AGO4: variants seen among roughly 807,000 people sequenced by gnomAD.
AGO4 encodes protein argonaute-4.
Under a neutral mutation model 104.7 loss-of-function variants are expected in AGO4, and 33 were observed. That is an observed-to-expected ratio of 0.32 (90% CI 0.24 to 0.42). The LOEUF is 0.42. AGO4 is among the 10% of genes least tolerant of loss of function. The probability of loss-of-function intolerance (pLI) is 1.00; values close to 1 mark genes in which losing one functional copy is unlikely to be tolerated. For missense variants in AGO4, 711 were observed against 1,083.4 expected, an observed-to-expected ratio of 0.66 and a Z score of 4.83; for synonymous variants, 331 against 364.7, an observed-to-expected ratio of 0.91 and a Z score of 1.05.
At position 35,841,474 on chromosome 1, in the gene AGO4, G is replaced by T; in HGVS notation, c.2034G>T (p.Met678Ile). 6.2e-7 allele frequency: 1 copy of T among 1,612,338 alleles called. No homozygotes were observed. Among genetic ancestry groups the T allele is most frequent in the Non-Finnish European group, 8.5e-7 (1 of 1,178,432 alleles). The change falls in exon 14 of 18, where the codon ATG becomes ATT. Residue 678 changes from methionine to isoleucine, a missense_variant. Met to Ile is a conservative substitution (Grantham distance 10, BLOSUM62 1). Transcript: ENST00000373210. This position sits in a 1 kb window ranked among gnomAD's most constrained non-coding sequence, Gnocchi z 4.7. ...GTGGAGGGGTATCTGAGGGACAAAT[G>T]AAACAGGTACTCTCATTATCCCTGT... ...YYRGGVSEGQ[M>I]KQVAWPELIA... is the part of the protein sequence containing the mutation.
At chr1:35,832,259 T>C in intron 10 of AGO4, 74 bp downstream of exon 10, 2 of 1,573,596 alleles carry the variant, frequency 1.3e-6, no homozygotes, top group Admixed American at 2.0e-5. Context: ...GTTTCTCTAC[T>C]CTGCCACTGC....
chr1:35,831,964 C>G, intron 9 of AGO4, 33 bp downstream of exon 9: 1 of 1,608,288 alleles, frequency 6.2e-7, no homozygotes, highest in Non-Finnish European at 8.5e-7. Context: ...GATGAGCTAG[C>G]TTTGAGATGA....
chr1:35,809,654 T>C (rs1367771706), intron 1 of AGO4, among the ~76,000 whole-genome samples: 1 of 152,180 alleles, frequency 6.6e-6, no homozygotes, highest in Non-Finnish European at 1.5e-5. Flanking sequence ...TTCAGATATG[T>C]CCCCTGGCTA....
intron 15 of AGO4, among the ~76,000 whole-genome samples, chr1:35,844,086 G>A (rs867632604): frequency 6.6e-6 from 1 of 152,088 alleles, no homozygotes; most frequent in South Asian, 2.1e-4. Context: ...TGTCACCCAG[G>A]GTGGAGTGCA....
At chr1:35,842,355 T>C (rs2148679552) in intron 15 of AGO4, among the ~76,000 whole-genome samples, 1 of 152,286 alleles carries the variant, frequency 6.6e-6, no homozygotes, top group East Asian at 1.9e-4. Flanking sequence ...TTGTCTTCCA[T>C]GAAACCTGTC....
intron 12 of AGO4, among the ~76,000 whole-genome samples, chr1:35,834,917 A>T (rs1375783304): frequency 6.6e-6 from 1 of 151,886 alleles, no homozygotes; most frequent in East Asian, 1.9e-4. Flanking sequence ...GATGGTCTTG[A>T]ACTCCTGGGC....
intron 17 of AGO4, among the ~76,000 whole-genome samples, chr1:35,853,248 C>CA (rs767922952): frequency 0.22 from 13,874 of 64,030 alleles, 1,093 homozygotes; most frequent in African/African-American, 0.25. Context: ...GACTCTGTCT[C>CA]AAAAAAAAAA....
At chr1:35,840,826 G>A (rs1644424376) in intron 13 of AGO4, among the ~76,000 whole-genome samples, 1 of 152,152 alleles carries the variant, frequency 6.6e-6, no homozygotes, top group Non-Finnish European at 1.5e-5. Context: ...TATTGCCCAG[G>A]CTGGCCTTGA....
chr1:35,857,780 G>A lies in AGO4; in HGVS notation c.*4175G>A, dbSNP rs1644845275. On this transcript the variant is annotated 3_prime_UTR_variant, in exon 18 of 18. Coordinates refer to ENST00000373210, the MANE Select transcript of AGO4 (RefSeq NM_017629.4). The stretch of plus-strand genomic sequence containing the variant: ...TATGAGAAATTTTACAAAGAACAGT[G>A]GAAAAACTTTGTGTTTTTAACTCTT... 3 of 152,074 alleles carry A rather than the reference G, an allele frequency of 2.0e-5. No homozygotes were observed. In the South Asian group the frequency reaches 6.2e-4, roughly 32 times the overall value. 9.4% of individuals were successfully genotyped at this position (152,074 alleles called of 1,614,324 possible).
At chr1:35,826,149 G>A (rs72659690) in intron 6 of AGO4, 89 bp downstream of exon 6, 91,236 of 1,520,740 alleles carry the variant, frequency 0.06, 2,970 homozygotes, top group Middle Eastern at 0.082. Context: ...CCTGGGCTTC[G>A]GTCTCAGGCT....
chr1:35,813,682 G>A (rs376421177), intron 1 of AGO4, among the ~76,000 whole-genome samples: 97 of 151,778 alleles, frequency 6.4e-4, no homozygotes, highest in African/African-American at 2.2e-3. Context: ...CCAGGAGGTC[G>A]AGGCTGCAGT....
At chr1:35,847,071 GTT>G (rs1472675143) in intron 15 of AGO4, among the ~76,000 whole-genome samples, 1 of 151,872 alleles carries the variant, frequency 6.6e-6, no homozygotes, top group Non-Finnish European at 1.5e-5. Flanking sequence ...CCTCCCATAT[GTT>G]TTAAAACAGG....
chr1:35,843,254 C>CG (rs1271389259), intron 15 of AGO4, among the ~76,000 whole-genome samples: 11 of 152,014 alleles, frequency 7.2e-5, no homozygotes, highest in Non-Finnish European at 1.0e-4. Context: ...TTAGTTGAGA[C>CG]GGGGTTTCAC....
Position 35,826,804 on chromosome 1 carries a change from A to C in AGO4, c.817A>C (p.Asn273His). Residue 273 changes from asparagine (N) to histidine (H), a missense_variant, in exon 7 of 18, where the codon AAT becomes CAT. Asn to His is a moderately conservative substitution (Grantham distance 68). Around this residue, in one of 3 missense-constraint regions of AGO4, gnomAD observed 308 missense variants for 397.8 expected, o/e 0.77. Coordinates refer to ENST00000373210, the MANE Select transcript of AGO4 (RefSeq NM_017629.4). ...GQMKRKYRVC[N>H]VTRRPASHQT... ...GATGAAACGAAAATACCGAGTTTGT[A>C]ATGTGACTAGACGGCCAGCCAGTCA... 3 of 1,614,200 alleles carry C rather than the reference A, an allele frequency of 1.9e-6. No individual in the cohort carries two copies. The highest frequency in any genetic ancestry group is 2.5e-6 in the Non-Finnish European group (3 of 1,180,028).
Position 35,826,148 on chromosome 1 carries a change from C to T in AGO4, c.760+88C>T, listed in dbSNP as rs1333982508. 9.2e-6 allele frequency: 14 copies of T among 1,518,912 alleles called. No individual in the cohort carries two copies. In the East Asian group the frequency reaches 1.1e-4, roughly 12 times the overall value. 94.1% of individuals were successfully genotyped at this position (1,518,912 alleles called of 1,614,324 possible). A position where few individuals can be genotyped will look rare whatever the true frequency, so the allele number is the denominator to read the frequency against. On this transcript the variant is annotated intron_variant, in intron 6 of 17. Coordinates refer to ENST00000373210, the MANE Select transcript of AGO4 (RefSeq NM_017629.4). Reference sequence around the variant, plus strand: ...TCTGGAGTCACACAGACCTGGGCTTCGGTCTCAGGCTAACCACTTCTATCA... The same window carrying T: ...TCTGGAGTCACACAGACCTGGGCTTTGGTCTCAGGCTAACCACTTCTATCA...
chr1:35,817,603 T>C (rs1363227249), intron 2 of AGO4, among the ~76,000 whole-genome samples: 1 of 152,192 alleles, frequency 6.6e-6, no homozygotes, highest in Non-Finnish European at 1.5e-5. Context: ...ATTTACCTGG[T>C]GTGAAGACAG....
At position 35,841,753 on chromosome 1, in the gene AGO4, A is replaced by G; in HGVS notation, c.2175+3A>G. ...TCTGTGCAGATAAAACAGAAAGGGTAAGAAGATATAATATAAGCTTTGTTA... is the reference window on the plus strand; with the variant it reads ...TCTGTGCAGATAAAACAGAAAGGGTGAGAAGATATAATATAAGCTTTGTTA... On this transcript the variant is annotated splice_donor_region_variant and intron_variant, in intron 15 of 17. Transcript: ENST00000373210. The surrounding 1 kb of genome is among the most constrained non-coding windows in gnomAD (Gnocchi z 4.7). The G allele has an allele frequency of 6.2e-7, 1 of 1,612,824 alleles. No individual in the cohort carries two copies. Among genetic ancestry groups the G allele is most frequent in the African/African-American group, 1.3e-5 (1 of 74,882 alleles).
At chr1:35,852,773 G>C (rs1319352827) in intron 17 of AGO4, among the ~76,000 whole-genome samples, 3 of 152,178 alleles carry the variant, frequency 2.0e-5, no homozygotes, top group Non-Finnish European at 4.4e-5. Context: ...GTTAAAGCAT[G>C]TTCCAGGTGG....
At chr1:35,810,406 C>T (rs1168393362) in intron 1 of AGO4, among the ~76,000 whole-genome samples, 1 of 152,180 alleles carries the variant, frequency 6.6e-6, no homozygotes, top group Non-Finnish European at 1.5e-5. Flanking sequence ...CTCACTTGAA[C>T]AGTCCCTGAA....
Sources: gnomAD v4.1 joint callset for allele counts (sites outside exome capture counted in the v4.1 genomes callset) on GRCh38, gnomAD v4.1.1 for gene constraint, gnomAD v4.1.1 regional missense constraint, Gnocchi (gnomAD v3.1) non-coding constraint, MANE v1.5 for transcripts, NCBI Gene and HGNC (gene_info 2026-07-23, HGNC 2026-07-21) for gene names.